Variants in CDH18 observed in about 807,000 individuals in gnomAD.
CDH18 encodes cadherin-18.
In CDH18, 31 loss-of-function variants were observed where a neutral mutation model predicts 67.9. The ratio of observed to expected loss-of-function variants is 0.46; its 90% confidence interval spans 0.34 to 0.62. CDH18 has a LOEUF of 0.62. Ranked by LOEUF, CDH18 falls within the 20% of genes least tolerant of loss-of-function variation. CDH18 has a pLI of 0.01. For missense variants in CDH18, 890 were observed against 975.5 expected (o/e 0.91, Z 1.17); for synonymous variants, 362 against 347.2 (o/e 1.04, Z -0.48).
At chr5:19,837,953 G>A (rs540154901) in intron 3 of CDH18, among the ~76,000 whole-genome samples, 4 of 151,988 alleles carry the variant, frequency 2.6e-5, no homozygotes, top group Non-Finnish European at 4.4e-5. Flanking sequence ...TTCCCACTTC[G>A]TTCTCAATCC....
At chr5:19,864,184 A>T in intron 2 of CDH18, among the ~76,000 whole-genome samples, 3 of 149,484 alleles carry the variant, frequency 2.0e-5, no homozygotes, top group African/African-American at 7.5e-5. Context: ...TACACCATGG[A>T]ATACTATGCA....
At chr5:20,505,229 A>C (rs1754588817) in intron 1 of CDH18, among the ~76,000 whole-genome samples, 1 of 152,194 alleles carries the variant, frequency 6.6e-6, no homozygotes, top group Non-Finnish European at 1.5e-5. Flanking sequence ...TTCTAAACAG[A>C]AAAATAACAT....
intron 10 of CDH18, among the ~76,000 whole-genome samples, chr5:19,519,194 G>T (rs551038400): frequency 1.8e-4 from 28 of 152,180 alleles, no homozygotes; most frequent in African/African-American, 6.7e-4. Context: ...ATTATGTCTA[G>T]AGTTTTTTAT....
intron 2 of CDH18, among the ~76,000 whole-genome samples, chr5:20,114,460 A>T (rs762821954): frequency 2.0e-5 from 3 of 152,140 alleles, no homozygotes; most frequent in Non-Finnish European, 4.4e-5. Context: ...CAAACAGAGA[A>T]AGGCCAAGTG....
At chr5:19,944,322 T>C (rs1180711526) in intron 2 of CDH18, among the ~76,000 whole-genome samples, 5 of 152,110 alleles carry the variant, frequency 3.3e-5, no homozygotes, top group South Asian at 2.1e-4. Flanking sequence ...TAATTTAACA[T>C]TGAAGGGAAC....
At chr5:19,600,552 GTAAAATATCAA>G (rs11267241) in intron 6 of CDH18, among the ~76,000 whole-genome samples, 84,974 of 148,358 alleles carry the variant, frequency 0.57, 26,767 homozygotes, top group South Asian at 0.75. Context: ...TATTTTAACA[GTAAAATATCAA>G]TAATTTATAC....
At chr5:20,513,557 A>G (rs1291772127) in intron 1 of CDH18, among the ~76,000 whole-genome samples, 1 of 152,194 alleles carries the variant, frequency 6.6e-6, no homozygotes, top group Non-Finnish European at 1.5e-5. Context: ...CTTCTTTAAT[A>G]TCCTAAAATC....
chr5:20,061,041 G>A (rs988404790), intron 2 of CDH18, among the ~76,000 whole-genome samples: 11 of 151,610 alleles, frequency 7.3e-5, no homozygotes, highest in African/African-American at 2.7e-4. Flanking sequence ...TTTTATACAC[G>A]CAAATAATTC....
chr5:19,696,844 T>C (rs1170274071), intron 5 of CDH18, among the ~76,000 whole-genome samples: 1 of 152,214 alleles, frequency 6.6e-6, no homozygotes, highest in Non-Finnish European at 1.5e-5. Flanking sequence ...TTTCCTATTC[T>C]ACTGGAGAAA....
At chr5:20,508,557 T>C (rs1754805625) in intron 1 of CDH18, among the ~76,000 whole-genome samples, 1 of 151,500 alleles carries the variant, frequency 6.6e-6, no homozygotes, top group Admixed American at 6.6e-5. Context: ...TTGGGAGATT[T>C]TATTTTAGGT....
At chr5:20,557,739 G>T (rs1271222976) in intron 1 of CDH18, among the ~76,000 whole-genome samples, 1 of 151,872 alleles carries the variant, frequency 6.6e-6, no homozygotes, top group Non-Finnish European at 1.5e-5. Context: ...CTGGTGCGTG[G>T]ACCTAGAGAA....
At chr5:20,321,665 CTTTCTTTCTTTCCTT>C (rs1215298213) in intron 1 of CDH18, among the ~76,000 whole-genome samples, 1 of 152,020 alleles carries the variant, frequency 6.6e-6, no homozygotes, top group Admixed American at 6.6e-5. Context: ...TTATTCTCTC[CTTTCTTTCTTTCCTT>C]TTTCTTTCTT....
chr5:19,815,830 C>T (rs1346674975), intron 3 of CDH18, among the ~76,000 whole-genome samples: 1 of 151,788 alleles, frequency 6.6e-6, no homozygotes, highest in Non-Finnish European at 1.5e-5. Flanking sequence ...GGAACTTTTT[C>T]CTTACCCTCT....
At chr5:20,353,341 C>T (rs1225919695) in intron 1 of CDH18, among the ~76,000 whole-genome samples, 1 of 152,038 alleles carries the variant, frequency 6.6e-6, no homozygotes, top group Non-Finnish European at 1.5e-5. Flanking sequence ...TTCAATAAGA[C>T]AAATAGAATG....
At chr5:20,428,828 A>G (rs1580979435) in intron 1 of CDH18, among the ~76,000 whole-genome samples, 1 of 152,204 alleles carries the variant, frequency 6.6e-6, no homozygotes, top group African/African-American at 2.4e-5. Flanking sequence ...TTTTTTTCTC[A>G]GATATAGGAA....
chr5:20,047,567 A>G (rs2150483932), intron 2 of CDH18, among the ~76,000 whole-genome samples: 2 of 151,936 alleles, frequency 1.3e-5, no homozygotes, highest in South Asian at 4.1e-4. Flanking sequence ...TTCTATTTAA[A>G]ATAGAACTAT....
At chr5:19,946,317 A>T (rs1259879022) in intron 2 of CDH18, among the ~76,000 whole-genome samples, 1 of 152,140 alleles carries the variant, frequency 6.6e-6, no homozygotes, top group Non-Finnish European at 1.5e-5. Flanking sequence ...AACTAAGATA[A>T]TTTGCTCTCA....
Position 20,351,185 on chromosome 5 carries a change from T to TGCGCGC in CDH18, c.-579-95681_-579-95680insGCGCGC, listed in dbSNP as rs1199222573. 2.7e-3 allele frequency among the ~76,000 whole-genome samples: 386 copies of TGCGCGC among 144,202 alleles called. 1 individual carries two copies. Among genetic ancestry groups the TGCGCGC allele is most frequent in the African/African-American group, 8.8e-3 (358 of 40,574 alleles). 94.6% of individuals were successfully genotyped at this position (144,202 alleles called of 152,430 possible). A position where few individuals can be genotyped will look rare whatever the true frequency, so the allele number is the denominator to read the frequency against. On this transcript the variant is annotated intron_variant, in intron 1 of 14. Coordinates refer to the CDH18 transcript ENST00000507958. Reference sequence around the variant, plus strand: ...TTGTGTGTGTGTGTGTGTGTGTGTGTGTGTGTGCGTGTGTGTTATTGCTTA... The same window carrying TGCGCGC: ...TTGTGTGTGTGTGTGTGTGTGTGTGTGCGCGCGTGTGTGCGTGTGTGTTATTGCTTA...
chr5:20,501,893 TAC>T (rs61655025), intron 1 of CDH18, among the ~76,000 whole-genome samples: 36,174 of 144,594 alleles, frequency 0.25, 4,628 homozygotes, highest in East Asian at 0.41. Flanking sequence ...AATACTTCCT[TAC>T]ACACACACAC....
Sources: allele counts gnomAD v4.1 joint callset (sites outside exome capture counted in the v4.1 genomes callset), GRCh38; gene constraint gnomAD v4.1.1; transcripts MANE v1.5; gene names NCBI Gene and HGNC (gene_info 2026-07-23, HGNC 2026-07-21).